The following NEB variants were observed in gnomAD, a reference collection of about 807,000 sequenced individuals.
NEB encodes the protein nemaline myopathy type 2.
NEB carries 512 observed loss-of-function variants against 952.2 expected under a neutral mutation model. The observed-to-expected ratio is 0.54, with a 90% CI of 0.50 to 0.58. The LOEUF (loss-of-function observed/expected upper bound fraction) is 0.58, where lower values mean the gene tolerates loss of function less well. Among genes scored for constraint, NEB ranks in the 20% least tolerant of loss-of-function variants. NEB has a pLI of 0.00. For missense variants in NEB, 8,428 were observed against 9,231.1 expected, an observed-to-expected ratio of 0.91 and a Z score of 3.56; for synonymous variants, 2,900 against 3,149.8, an observed-to-expected ratio of 0.92 and a Z score of 2.66.
chr2:151,664,237 T>C (rs1249724410), intron 44 of NEB, among the ~76,000 whole-genome samples: 2 of 152,214 alleles, frequency 1.3e-5, no homozygotes, highest in East Asian at 3.8e-4. Context: ...GTAGATTGCA[T>C]CTTTACATTT....
intron 106 of NEB, 38 bp downstream of exon 106, chr2:151,576,113 G>A (rs368360859): frequency 6.3e-6 from 9 of 1,426,030 alleles, no homozygotes; most frequent in African/African-American, 1.4e-5. Flanking sequence ...ATCTATTTAT[G>A]GCATTAATTC....
intron 13 of NEB, among the ~76,000 whole-genome samples, chr2:151,702,670 C>G (rs1044655175): frequency 4.0e-5 from 6 of 151,886 alleles, no homozygotes; most frequent in African/African-American, 1.5e-4. Flanking sequence ...TCTGTTTTAT[C>G]AGAGACTAGG....
intron 113 of NEB, among the ~76,000 whole-genome samples, 164 bp downstream of exon 113, chr2:151,567,907 A>G (rs2096476382): frequency 6.6e-6 from 1 of 152,136 alleles, no homozygotes; most frequent in Admixed American, 6.5e-5. Context: ...CCATGGAAGA[A>G]AGACCGAAAA....
rs745957152 is a variant in NEB, at chr2:151,516,499, G to A, written c.22865C>T (p.Thr7622Met). The change falls in exon 157 of 182, where the codon ACG (threonine) becomes ATG (methionine). Residue 7622 changes from threonine to methionine, a missense_variant. Thr to Met is a moderately conservative substitution (Grantham distance 81). This residue lies in a region of NEB where 3,374 missense variants were observed against 3,651.5 expected (regional missense o/e 0.92). Transcript: ENST00000397345. ...GKPMLDFETP[T>M]YITAKESQQM... ...CTGAGACTCTTTGGCAGTGATGTAC[G>A]TTGGTGTTTCAAAGTCCAGCATGGG... 6.2e-6 allele frequency: 10 copies of A among 1,613,330 alleles called. No individual in the cohort carries two copies. The highest frequency in any genetic ancestry group is 3.3e-5 in the South Asian group (3 of 90,996).
intron 167 of NEB, 65 bp from the exon 168 acceptor site, chr2:151,501,548 A>G: frequency 1.2e-6 from 1 of 854,142 alleles, no homozygotes; most frequent in Non-Finnish European, 1.7e-6. Flanking sequence ...GACTTAACCT[A>G]AAAAAACAGC....
intron 8 of NEB, among the ~76,000 whole-genome samples, chr2:151,724,053 A>G (rs2099783467): frequency 6.6e-6 from 1 of 151,984 alleles, no homozygotes; most frequent in South Asian, 2.1e-4. Flanking sequence ...TCAGGTTCCC[A>G]AAGGACCCTC....
In NEB at chr2:151,678,161, C is replaced by A; in HGVS notation, c.3282G>T (p.Lys1094Asn). The change falls in exon 33 of 182, where the codon AAG (lysine) becomes AAT (asparagine). Residue 1094 changes from lysine (K) to asparagine (N), a missense_variant. Lys to Asn is a moderately conservative substitution (Grantham distance 94). Coordinates refer to ENST00000397345, the MANE Select transcript of NEB (RefSeq NM_001164508.2). ...SDVQYKKDYEKAKGKMVGFQS... is the reference protein window; with the variant it reads ...SDVQYKKDYENAKGKMVGFQS... ...GGAAGCCAACCATTTTCCCTTTAGC[C>A]TTTTCATAGTCTTTTTTGTACTGAA... 6.2e-7 allele frequency: 1 copy of A among 1,609,842 alleles called. No individual in the cohort carries two copies. Among genetic ancestry groups the A allele is most frequent in the Non-Finnish European group, 8.5e-7 (1 of 1,177,836 alleles).
In NEB at chr2:151,525,968, T is replaced by C; in HGVS notation, c.22151A>G (p.His7384Arg). 6.2e-7 allele frequency: 1 copy of C among 1,613,676 alleles called. No homozygotes were observed. Among genetic ancestry groups the C allele is most frequent in the Non-Finnish European group, 8.5e-7 (1 of 1,179,556 alleles). ...TGGTTGATCACTTACATCACTGACATGCTTGGTCACTTCCTTGACGTGAAC... is the reference window on the plus strand; with the variant it reads ...TGGTTGATCACTTACATCACTGACACGCTTGGTCACTTCCTTGACGTGAAC... ...DTVHVKEVTK[H>R]VSDTNYKKKF... Residue 7384 changes from histidine to arginine, a missense_variant, in exon 150 of 182, where the codon CAT (histidine) becomes CGT (arginine). His to Arg is a conservative substitution (Grantham distance 29). Around this residue, in one of 11 missense-constraint regions of NEB, gnomAD observed 3,374 missense variants for 3,651.5 expected, o/e 0.92. Coordinates refer to ENST00000397345, the MANE Select transcript of NEB (RefSeq NM_001164508.2).
chr2:151,549,647 T>C lies in NEB; in HGVS notation c.20038A>G (p.Met6680Val), dbSNP rs1265237421. 1 of 1,594,998 alleles carries C rather than the reference T, an allele frequency of 6.3e-7. No homozygotes were observed. Among genetic ancestry groups the C allele is most frequent in the Non-Finnish European group, 8.6e-7 (1 of 1,169,214 alleles). ...HFKHIKDTRY[M>V]SSYFKYKEAY... Reference sequence around the variant, plus strand: ...AGGAGACCACTCACATAACTGCTCATGTAACGGGTGTCCTTGATGTGTTTG... The same window carrying C: ...AGGAGACCACTCACATAACTGCTCACGTAACGGGTGTCCTTGATGTGTTTG... The change falls in exon 130 of 182, where the codon ATG (methionine) becomes GTG (valine). Residue 6680 changes from methionine to valine, a missense_variant. Physicochemically the swap from Met to Val is conservative, Grantham distance 21. Transcript: ENST00000397345.
At chr2:151,717,830 G>A (rs1172604451) in intron 9 of NEB, among the ~76,000 whole-genome samples, 1 of 149,168 alleles carries the variant, frequency 6.7e-6, no homozygotes, top group Non-Finnish European at 1.5e-5. Context: ...GCCTTGGATC[G>A]ACTTGACCAT....
Position 151,568,519 on chromosome 2 carries a change from C to A in NEB, c.17634+99G>T. The A allele has an allele frequency of 6.2e-6, 9 of 1,444,992 alleles. 1 individual carries two copies. In the South Asian group the frequency reaches 9.3e-5, roughly 15 times the overall value. 89.5% of individuals were successfully genotyped at this position (1,444,992 alleles called of 1,614,324 possible). A position where few individuals can be genotyped will look rare whatever the true frequency, so the allele number is the denominator to read the frequency against. On this transcript the variant is annotated intron_variant, in intron 111 of 181. Transcript: ENST00000397345. ...CATCCATCATTTCAATGATTAAAAT[C>A]TGTATTTCAGATGATTGCATTCTGA...
chr2:151,612,461 T>C, intron 77 of NEB, 72 bp from the exon 78 acceptor site: 7 of 1,316,176 alleles, frequency 5.3e-6, no homozygotes, highest in Non-Finnish European at 7.5e-6. Context: ...TGATTTAACA[T>C]ACACAGATAA....
chr2:151,554,917 A>G lies in NEB; in HGVS notation c.19428+14T>C, dbSNP rs377239300. On this transcript the variant is annotated intron_variant, in intron 125 of 181. Transcript: ENST00000397345. The stretch of plus-strand genomic sequence containing the variant: ...ATGTATCCTAGTCATTAAGGGGCGC[A>G]TGACCGTACTTACATCGATGTTAAG... 6.4e-6 allele frequency: 10 copies of G among 1,567,074 alleles called. No individual in the cohort carries two copies. Among genetic ancestry groups the G allele is most frequent in the Non-Finnish European group, 8.8e-6 (10 of 1,137,238 alleles).
rs117255929 is a variant in NEB, at chr2:151,645,287, G to A, written c.7537-712C>T. On this transcript the variant is annotated intron_variant, in intron 55 of 181. Transcript: ENST00000397345. ...AATTCTTCTAATGGGGAAAAATCAT[G>A]CCTAAGGGGTTATCTCTTCTATGTA... 4.1e-3 allele frequency among the ~76,000 whole-genome samples: 619 copies of A among 152,308 alleles called. 14 individuals are homozygous for A. In the East Asian group the frequency reaches 0.069, roughly 17 times the overall value.
intron 117 of NEB, among the ~76,000 whole-genome samples, chr2:151,564,226 C>A (rs936328217): frequency 2.0e-5 from 3 of 152,184 alleles, no homozygotes; most frequent in African/African-American, 7.2e-5. Flanking sequence ...GTGATCTAAG[C>A]TCACTGCAAA....
intron 72 of NEB, 30 bp from the exon 73 acceptor site, chr2:151,619,792 G>C (rs1242290036): frequency 6.3e-7 from 1 of 1,579,578 alleles, no homozygotes. Context: ...AAATAAGAAG[G>C]AAGCACAAAG....
At chr2:151,542,192 G>T (rs747461174) in intron 135 of NEB, among the ~76,000 whole-genome samples, 12 of 152,066 alleles carry the variant, frequency 7.9e-5, no homozygotes, top group Admixed American at 3.9e-4. Flanking sequence ...TCTTCCCTAG[G>T]TGGCTTCCTG....
intron 63 of NEB, among the ~76,000 whole-genome samples, chr2:151,637,706 C>T (rs772053827): frequency 4.6e-5 from 7 of 152,122 alleles, no homozygotes; most frequent in African/African-American, 7.2e-5. Context: ...ACAGGGGGAG[C>T]CCTTTGTTTC....
At chr2:151,644,158 T>A in intron 56 of NEB, 29 bp from the exon 57 acceptor site, 1 of 1,601,588 alleles carries the variant, frequency 6.2e-7, no homozygotes, top group Non-Finnish European at 8.5e-7. Context: ...TCTCATTCCT[T>A]TCAAAATTTA....
Sources: allele counts gnomAD v4.1 joint callset (sites outside exome capture counted in the v4.1 genomes callset), GRCh38; gene constraint gnomAD v4.1.1; regional missense constraint gnomAD v4.1.1; transcripts MANE v1.5; gene names NCBI Gene and HGNC (gene_info 2026-07-23, HGNC 2026-07-21).